SLC22A6: variants seen among roughly 807,000 people sequenced by gnomAD.
SLC22A6 encodes the protein PAH transporter.
Under a neutral mutation model 56.7 loss-of-function variants are expected in SLC22A6, and 45 were observed. The observed-to-expected ratio is 0.79, with a 90% CI of 0.63 to 1.02. The LOEUF is 1.02. Ranked by LOEUF, SLC22A6 falls within the 50% of genes least tolerant of loss-of-function variation. The probability of loss-of-function intolerance (pLI) is 0.00; values close to 1 mark genes in which losing one functional copy is unlikely to be tolerated. For synonymous variants in SLC22A6, 291 were observed against 295.9 expected (o/e 0.98, Z 0.17); for missense variants, 606 against 713.8 (o/e 0.85, Z 1.72).
Position 62,983,463 on chromosome 11 carries a change from G to T in SLC22A6, c.628+74C>A. On this transcript the variant is annotated intron_variant, in intron 3 of 9. Transcript: ENST00000360421. The surrounding 1 kb of genome is among the most constrained non-coding windows in gnomAD (Gnocchi z 4.5). ...GGCAGGCAGGGCTCAGGAGGGGCAGGCTGGGAGGGGAGGCTGGAAAGGGGT... is the reference window on the plus strand; with the variant it reads ...GGCAGGCAGGGCTCAGGAGGGGCAGTCTGGGAGGGGAGGCTGGAAAGGGGT... The T allele has an allele frequency of 1.3e-6, 2 of 1,482,860 alleles. No homozygotes were observed. The highest frequency in any genetic ancestry group is 1.2e-5 in the South Asian group (1 of 82,268). 91.9% of individuals were successfully genotyped at this position (1,482,860 alleles called of 1,614,324 possible). A position where few individuals can be genotyped will look rare whatever the true frequency, so the allele number is the denominator to read the frequency against.
At chr11:62,981,703 G>T in intron 4 of SLC22A6, 139 bp downstream of exon 4, 1 of 865,880 alleles carries the variant, frequency 1.2e-6, no homozygotes, top group Non-Finnish European at 1.7e-6. Context: ...TTCCCTATCT[G>T]TCACACAGAG....
chr11:62,982,659 C>A (rs1590678327), intron 3 of SLC22A6, among the ~76,000 whole-genome samples: 1 of 152,182 alleles, frequency 6.6e-6, no homozygotes, highest in African/African-American at 2.4e-5. Flanking sequence ...TGGGTAAATC[C>A]TTTCCCTTCT....
intron 8 of SLC22A6, among the ~76,000 whole-genome samples, chr11:62,979,142 T>C (rs1333512090): frequency 2.6e-5 from 4 of 152,228 alleles, no homozygotes; most frequent in Non-Finnish European, 5.9e-5. Flanking sequence ...GGTTTATAGA[T>C]GGAATGTAGA....
In SLC22A6 at chr11:62,983,424, G is replaced by A. The variant is rs1177901360; in HGVS notation, c.628+113C>T. On this transcript the variant is annotated intron_variant, in intron 3 of 9. Transcript: ENST00000360421. The surrounding 1 kb of genome is among the most constrained non-coding windows in gnomAD (Gnocchi z 4.5). ...TTCTATTGGCAGGAAGGTGAGACCC[G>A]AGAGAGGCTGGAGGGCAGGCAGGGC... is the stretch of plus-strand genomic sequence containing the variant. The A allele has an allele frequency of 3.6e-6, 4 of 1,097,548 alleles. No homozygotes were observed. Among genetic ancestry groups the A allele is most frequent in the East Asian group, 2.6e-5 (1 of 38,498 alleles). 68.0% of individuals were successfully genotyped at this position (1,097,548 alleles called of 1,614,324 possible). A position where few individuals can be genotyped will look rare whatever the true frequency, so the allele number is the denominator to read the frequency against.
At position 62,977,240 on chromosome 11, in the gene SLC22A6, G is replaced by T. The variant is rs752821973; in HGVS notation, c.1509C>A (p.Leu503=). ...GTGGCTGGCCCAGGGTCTCTGGCAG[G>T]AGGACAGTGACAGCGCTGGCGGCCA... ...VPVAASAVTV[L]LPETLGQPLP... is the part of the protein sequence containing the mutation. The change falls in exon 9 of 10, where the codon CTC becomes CTA. Residue 503 remains leucine, a synonymous_variant. Coordinates refer to ENST00000360421, the MANE Select transcript of SLC22A6 (RefSeq NM_153276.3). The T allele has an allele frequency of 1.2e-6, 2 of 1,614,204 alleles. No individual in the cohort carries two copies. Among genetic ancestry groups the T allele is most frequent in the Admixed American group, 3.3e-5 (2 of 60,036 alleles).
At chr11:62,982,122 C>A in intron 3 of SLC22A6, 112 bp from the exon 4 acceptor site, 1 of 1,028,028 alleles carries the variant, frequency 9.7e-7, no homozygotes, top group East Asian at 2.7e-5. Flanking sequence ...GAAAATGCAT[C>A]GAGTAAGTTG....
In SLC22A6 at chr11:62,979,943, G is replaced by T; in HGVS notation, c.1043C>A (p.Ala348Asp). 6.2e-7 allele frequency: 1 copy of T among 1,612,224 alleles called. No homozygotes were observed. ...CAGCCCATAGTATGCAAAGCTAGTG[G>T]CAAACCTAGCAGAGAGAAGAGAGGA... ...LFLCLSMLWF[A>D]TSFAYYGLVM... Residue 348 changes from alanine to aspartate, a missense_variant, in exon 7 of 10, where the codon GCC becomes GAC. Ala to Asp is a moderately radical substitution (Grantham distance 126). Transcript: ENST00000360421.
rs2086232737 is a variant in SLC22A6, at chr11:62,979,809, C to A, written c.1177G>T (p.Gly393Cys). 2.5e-6 allele frequency: 4 copies of A among 1,614,150 alleles called. No individual in the cohort carries two copies. In the African/African-American group the frequency reaches 4.0e-5, roughly 16 times the overall value. ...GCAGCCATCTGGGCAGGCCGGCGAC[C>A]CAGGGAGTTGATGACAAGGAAGCCC... ...LVGFLVINSL[G>C]RRPAQMAALL... is the part of the protein sequence containing the mutation. The change falls in exon 7 of 10, where the codon GGT (glycine) becomes TGT (cysteine). Residue 393 changes from glycine (G) to cysteine (C), a missense_variant. Gly to Cys is a radical substitution (Grantham distance 159, BLOSUM62 -3). Transcript: ENST00000360421.
Position 62,981,983 on chromosome 11 carries a change from C to G in SLC22A6, c.656G>C (p.Arg219Pro), listed in dbSNP as rs1402587548. 6.2e-7 allele frequency: 1 copy of G among 1,613,984 alleles called. No individual in the cohort carries two copies. Among genetic ancestry groups the G allele is most frequent in the East Asian group, 2.2e-5 (1 of 44,878 alleles). Residue 219 changes from arginine to proline, a missense_variant, in exon 4 of 10, where the codon CGG becomes CCG. Transcript: ENST00000360421. Reference protein sequence around the residue: ...LNVEWMPIHTRACVGTLIGYV... With the variant: ...LNVEWMPIHTPACVGTLIGYV... Reference sequence around the variant, plus strand: ...GCCAATCAAGGTGCCCACGCAGGCCCGTGTGTGAATGGGCATCCACTCCAC... The same window carrying G: ...GCCAATCAAGGTGCCCACGCAGGCCGGTGTGTGAATGGGCATCCACTCCAC...
chr11:62,984,962 T>C lies in SLC22A6; in HGVS notation c.-272A>G. Reference sequence around the variant, plus strand: ...GGTCAGGGCAGCTCAGCTTTCAGGGTCTGCTGGAGACCTGACCCTTGCATG... The same window carrying C: ...GGTCAGGGCAGCTCAGCTTTCAGGGCCTGCTGGAGACCTGACCCTTGCATG... On this transcript the variant is annotated 5_prime_UTR_variant, in exon 1 of 10. Coordinates refer to ENST00000360421, the MANE Select transcript of SLC22A6 (RefSeq NM_153276.3). The C allele has an allele frequency of 2.1e-6, 1 of 476,802 alleles. No individual in the cohort carries two copies. Among genetic ancestry groups the C allele is most frequent in the Non-Finnish European group, 3.7e-6 (1 of 266,956 alleles). 29.5% of individuals were successfully genotyped at this position (476,802 alleles called of 1,614,324 possible).
Position 62,981,346 on chromosome 11 carries a change from C to T in SLC22A6, c.835G>A (p.Gly279Arg), listed in dbSNP as rs1454875000. ...GCCCTCAGGGTGAGGTCCAGCCTCCCGGAGGAGGAGTGCCAGCGGGCCGAC... is the reference window on the plus strand; with the variant it reads ...GCCCTCAGGGTGAGGTCCAGCCTCCTGGAGGAGGAGTGCCAGCGGGCCGAC... ...IESARWHSSS[G>R]RLDLTLRALQ... Residue 279 changes from glycine to arginine, a missense_variant, in exon 5 of 10, where the codon GGG becomes AGG. Transcript: ENST00000360421. 2.6e-5 allele frequency: 33 copies of T among 1,286,032 alleles called. No homozygotes were observed. The highest frequency in any genetic ancestry group is 8.9e-5 in the East Asian group (2 of 22,376). The allele number at this position is 1,286,032 out of a possible 1,614,324, so 79.7% of individuals were successfully genotyped here. A position where few individuals can be genotyped will look rare whatever the true frequency, so the allele number is the denominator to read the frequency against.
rs1410760574 is a variant in SLC22A6, at chr11:62,984,153, G to A, written c.370-106C>T. On this transcript the variant is annotated intron_variant, in intron 1 of 9. Coordinates refer to ENST00000360421, the MANE Select transcript of SLC22A6 (RefSeq NM_153276.3). ...GGGGTCCATGTCACCCTCTTCCTCC[G>A]GCACTTTGCCCTTTGCCTCTCTGGT... 16 of 1,189,916 alleles carry A rather than the reference G, an allele frequency of 1.3e-5. No individual in the cohort carries two copies. The Admixed American group carries it at 1.4e-4, about 10-fold the overall frequency. 73.7% of individuals were successfully genotyped at this position (1,189,916 alleles called of 1,614,324 possible). A position where few individuals can be genotyped will look rare whatever the true frequency, so the allele number is the denominator to read the frequency against.
Position 62,984,499 on chromosome 11 carries a change from C to G in SLC22A6, c.192G>C (p.Glu64Asp). 6.2e-7 allele frequency: 1 copy of G among 1,613,982 alleles called. No homozygotes were observed. Among genetic ancestry groups the G allele is most frequent in the Non-Finnish European group, 8.5e-7 (1 of 1,179,970 alleles). ...DANLSKNGGL[E>D]VWLPRDRQGQ... Reference sequence around the variant, plus strand: ...CCTGCCTGTCCCGGGGCAGCCAGACCTCCAGCCCCCCGTTCTTGCTGAGGT... The same window carrying G: ...CCTGCCTGTCCCGGGGCAGCCAGACGTCCAGCCCCCCGTTCTTGCTGAGGT... Residue 64 changes from glutamate to aspartate, a missense_variant, in exon 1 of 10, where the codon GAG (glutamate) becomes GAC (aspartate). Coordinates refer to ENST00000360421, the MANE Select transcript of SLC22A6 (RefSeq NM_153276.3).
In SLC22A6 at chr11:62,976,757, C is replaced by T. The variant is rs1448167974; in HGVS notation, c.*37G>A. 3.2e-6 allele frequency: 5 copies of T among 1,564,080 alleles called. No homozygotes were observed. The Admixed American group carries it at 5.4e-5, about 17-fold the overall frequency. ...GTGGCCGGAGACCTGTAGGACCTTCCCTCCCTTTAGGGTTCTGTAAGGCCC... is the reference window on the plus strand; with the variant it reads ...GTGGCCGGAGACCTGTAGGACCTTCTCTCCCTTTAGGGTTCTGTAAGGCCC... On this transcript the variant is annotated 3_prime_UTR_variant, in exon 10 of 10. Transcript: ENST00000360421.
In SLC22A6 at chr11:62,983,925, G is replaced by T; in HGVS notation, c.473+19C>A. The T allele has an allele frequency of 5.3e-6, 8 of 1,509,676 alleles. No individual in the cohort carries two copies. The highest frequency in any genetic ancestry group is 6.4e-6 in the Non-Finnish European group (7 of 1,087,304). 93.5% of individuals were successfully genotyped at this position (1,509,676 alleles called of 1,614,324 possible). A position where few individuals can be genotyped will look rare whatever the true frequency, so the allele number is the denominator to read the frequency against. On this transcript the variant is annotated intron_variant, in intron 2 of 9. Coordinates refer to ENST00000360421, the MANE Select transcript of SLC22A6 (RefSeq NM_153276.3). This position sits in a 1 kb window ranked among gnomAD's most constrained non-coding sequence, Gnocchi z 4.5. ...TAATCCCAGCCCAGCCCAGCCCCTT[G>T]ACCCTACCCAGGACTGACCTGTCTG...
rs11568618 is a variant in SLC22A6 at position 62,979,962 on chromosome 11, G to A, written c.1038-14C>T. ...CTAGTGGCAAACCTAGCAGAGAGAA[G>A]AGAGGAGTATGGAGTTTGTTAGGAA... On this transcript the variant is annotated splice_polypyrimidine_tract_variant and intron_variant, in intron 6 of 9. Transcript: ENST00000360421. 19 of 1,601,178 alleles carry A rather than the reference G, an allele frequency of 1.2e-5. No homozygotes were observed. In the East Asian group the frequency reaches 4.0e-4, roughly 34 times the overall value.
Position 62,984,845 on chromosome 11 carries a change from G to A in SLC22A6, c.-155C>T. ...GAGCTGAGTCCGAGCTGCTCTGTGG[G>A]GGGACAGCAGCCTCCTTGGCTGCTC... On this transcript the variant is annotated 5_prime_UTR_variant, in exon 1 of 10. Transcript: ENST00000360421. The A allele has an allele frequency of 4.2e-6, 3 of 713,420 alleles. No homozygotes were observed. Among genetic ancestry groups the A allele is most frequent in the East Asian group, 5.4e-5 (2 of 36,700 alleles). The allele number at this position is 713,420 out of a possible 1,614,324, so 44.2% of individuals were successfully genotyped here.
At chr11:62,978,590 CTTTTT>C (rs1230405831) in intron 8 of SLC22A6, among the ~76,000 whole-genome samples, 1 of 102,572 alleles carries the variant, frequency 9.7e-6, no homozygotes, top group Non-Finnish European at 1.9e-5. Flanking sequence ...GTCTTGATCT[CTTTTT>C]TTTTTTTTTT....
At chr11:62,982,875 G>A (rs1222263883) in intron 3 of SLC22A6, among the ~76,000 whole-genome samples, 1 of 152,204 alleles carries the variant, frequency 6.6e-6, no homozygotes, top group Admixed American at 6.5e-5. Context: ...TCAAAGAGGA[G>A]GGGGAAGCTA....
Sources: gnomAD v4.1 joint callset for allele counts (sites outside exome capture counted in the v4.1 genomes callset) on GRCh38, gnomAD v4.1.1 for gene constraint, Gnocchi (gnomAD v3.1) non-coding constraint, MANE v1.5 for transcripts, NCBI Gene and HGNC (gene_info 2026-07-23, HGNC 2026-07-21) for gene names.